Variants in SMPX observed in about 807,000 individuals in gnomAD.
SMPX encodes small muscle protein X-linked.
Under a neutral mutation model 6.3 loss-of-function variants are expected in SMPX, and 2 were observed. The observed-to-expected ratio is 0.32, with a 90% CI of 0.13 to 0.99. The LOEUF (loss-of-function observed/expected upper bound fraction) is 0.99, where lower values mean the gene tolerates loss of function less well. Among genes scored for constraint, SMPX ranks in the 50% least tolerant of loss-of-function variants. SMPX has a pLI of 0.49. For missense variants in SMPX, 60 were observed against 66.8 expected, an observed-to-expected ratio of 0.90 and a Z score of 0.36; for synonymous variants, 32 against 24.7, an observed-to-expected ratio of 1.30 and a Z score of -0.88.
chrX:21,713,364 C>A (rs927517999), intron 4 of SMPX, among the ~76,000 whole-genome samples: 2 of 111,544 alleles, frequency 1.8e-5, no homozygotes, highest in Admixed American at 1.9e-4. Flanking sequence ...AATTCTTTTG[C>A]AAAACTTGTA....
chrX:21,712,308 G>A (rs2092779663), intron 4 of SMPX, among the ~76,000 whole-genome samples: 1 of 112,139 alleles, frequency 8.9e-6, no homozygotes, highest in Admixed American at 9.4e-5. Flanking sequence ...CGGAAGAAGA[G>A]GAAGACATAA....
intron 4 of SMPX, among the ~76,000 whole-genome samples, chrX:21,730,642 C>T (rs2147382094): frequency 8.9e-6 from 1 of 111,952 alleles, no homozygotes; most frequent in East Asian, 2.8e-4. Flanking sequence ...CAAGTCTTCA[C>T]AACCCCAGAT....
chrX:21,711,732 C>T (rs887588783), intron 4 of SMPX, among the ~76,000 whole-genome samples: 7 of 111,759 alleles, frequency 6.3e-5, no homozygotes, highest in African/African-American at 2.3e-4. Flanking sequence ...GTCCTTTAAC[C>T]AGACACTCAG....
chrX:21,753,525 T>A (rs2092829639), intron 2 of SMPX, among the ~76,000 whole-genome samples: 1 of 111,799 alleles, frequency 8.9e-6, no homozygotes, highest in Admixed American at 9.5e-5. Context: ...AGCCTCCATG[T>A]TGATGGAAAG....
At chrX:21,725,871 G>A (rs2092796356) in intron 4 of SMPX, among the ~76,000 whole-genome samples, 1 of 111,847 alleles carries the variant, frequency 8.9e-6, no homozygotes, top group Non-Finnish European at 1.9e-5. Flanking sequence ...GGGGAAATGT[G>A]CAGAGCTAAT....
At chrX:21,709,210 T>G (rs2092775981) in intron 4 of SMPX, among the ~76,000 whole-genome samples, 1 of 112,094 alleles carries the variant, frequency 8.9e-6, no homozygotes, top group African/African-American at 3.3e-5. Context: ...GGTATCAGGA[T>G]CCAGGCTCAT....
At chrX:21,732,027 T>C (rs1367258214) in intron 4 of SMPX, among the ~76,000 whole-genome samples, 2 of 110,874 alleles carry the variant, frequency 1.8e-5, no homozygotes, top group African/African-American at 3.3e-5. Context: ...TGGGGGTCTG[T>C]TGTTATGTAC....
chrX:21,750,868 G>T (rs1418131520), intron 2 of SMPX, among the ~76,000 whole-genome samples: 1 of 111,915 alleles, frequency 8.9e-6, no homozygotes. Flanking sequence ...TACTTAGAAG[G>T]CCCATCTCTT....
At chrX:21,733,221 A>G (rs2092806819) in intron 4 of SMPX, among the ~76,000 whole-genome samples, 1 of 111,946 alleles carries the variant, frequency 8.9e-6, no homozygotes, top group South Asian at 3.8e-4. Flanking sequence ...GTGTATGGGT[A>G]CAAAGGAACT....
At chrX:21,728,463 C>T (rs946583325) in intron 4 of SMPX, among the ~76,000 whole-genome samples, 1 of 111,324 alleles carries the variant, frequency 9.0e-6, no homozygotes, top group Admixed American at 9.6e-5. Flanking sequence ...TTAGTAAATG[C>T]TGACTAGCTA....
At chrX:21,733,326 G>A (rs1257882593) in intron 4 of SMPX, among the ~76,000 whole-genome samples, 1 of 112,069 alleles carries the variant, frequency 8.9e-6, no homozygotes, top group Non-Finnish European at 1.9e-5. Context: ...AAGACTTCTC[G>A]ATACAAAAAC....
At chrX:21,714,036 T>G (rs2147372214) in intron 4 of SMPX, among the ~76,000 whole-genome samples, 1 of 112,165 alleles carries the variant, frequency 8.9e-6, no homozygotes, top group African/African-American at 3.2e-5. Flanking sequence ...ACATAGCTCT[T>G]AAATACTACT....
intron 3 of SMPX, among the ~76,000 whole-genome samples, chrX:21,743,169 T>A (rs1401702118): frequency 8.9e-6 from 1 of 111,958 alleles, no homozygotes; most frequent in East Asian, 2.8e-4. Flanking sequence ...CTTGATAGAC[T>A]CCCTTGCAAA....
intron 4 of SMPX, among the ~76,000 whole-genome samples, chrX:21,735,187 TCTC>T (rs1310395157): frequency 8.9e-6 from 1 of 111,807 alleles, no homozygotes; most frequent in Non-Finnish European, 1.9e-5. Flanking sequence ...TAAGAAATGT[TCTC>T]CTTCTGCGAC....
intron 4 of SMPX, among the ~76,000 whole-genome samples, chrX:21,714,390 T>C (rs772583382): frequency 1.8e-5 from 2 of 112,404 alleles, no homozygotes; most frequent in East Asian, 2.8e-4. Flanking sequence ...ATAGTATCCA[T>C]AGTATTTCAT....
chrX:21,755,645 CTG>C (rs1226489143), intron 1 of SMPX, among the ~76,000 whole-genome samples: 2 of 111,965 alleles, frequency 1.8e-5, no homozygotes, highest in East Asian at 5.6e-4. Context: ...GAAAAGAACT[CTG>C]TGAAAAATAA....
intron 4 of SMPX, among the ~76,000 whole-genome samples, chrX:21,708,586 C>T (rs1311900878): frequency 3.6e-5 from 4 of 111,627 alleles, no homozygotes; most frequent in African/African-American, 9.8e-5. Flanking sequence ...AGAGGTGTCC[C>T]GACTTTAGGG....
chrX:21,758,048 C>T lies in SMPX; in HGVS notation c.-119G>A, dbSNP rs1373051171. 2 of 327,821 alleles carry T rather than the reference C, an allele frequency of 6.1e-6. No individual in the cohort carries two copies. The highest frequency in any genetic ancestry group is 5.2e-5 in the South Asian group (2 of 38,303). 27.0% of individuals were successfully genotyped at this position (327,821 alleles called of 1,213,427 possible). ...GGGGCGCCCGGTGTCCTCTGAGCTG[C>T]GATCTCAATTCCGATGCTTTTCATG... On this transcript the variant is annotated 5_prime_UTR_variant, in exon 1 of 5. Coordinates refer to ENST00000379494, the MANE Select transcript of SMPX (RefSeq NM_014332.3).
chrX:21,750,183 C>T (rs2092825959), intron 2 of SMPX, among the ~76,000 whole-genome samples: 1 of 111,450 alleles, frequency 9.0e-6, no homozygotes, highest in African/African-American at 3.3e-5. Flanking sequence ...ATTAGATTCC[C>T]AGCAGTTCTA....
Sources: allele counts gnomAD v4.1 joint callset (sites outside exome capture counted in the v4.1 genomes callset), GRCh38; gene constraint gnomAD v4.1.1; transcripts MANE v1.5; gene names NCBI Gene and HGNC (gene_info 2026-07-23, HGNC 2026-07-21).